EEIG1: variants seen among roughly 807,000 people sequenced by gnomAD.
EEIG1 encodes early estrogen-induced gene 1 protein.
chr9:127,976,993 A>G, the EEIG1 span, among the ~76,000 whole-genome samples: 1 of 140,432 alleles, frequency 7.1e-6, no homozygotes, highest in Admixed American at 7.0e-5. This position sits in a 1 kb window ranked among gnomAD's most constrained non-coding sequence, Gnocchi z 4.1. Flanking sequence ...GCTGCAGTCC[A>G]GGGTGGGTGG....
chr9:127,948,512 T>C, the EEIG1 span: 1,006,821 of 1,228,398 alleles, frequency 0.82, 421,165 homozygotes, highest in Non-Finnish European at 0.87. Flanking sequence ...CAGAAGGGCT[T>C]GGATTCCAAT....
the EEIG1 span, chr9:127,948,467 G>C: frequency 6.4e-7 from 1 of 1,573,004 alleles, no homozygotes; most frequent in Non-Finnish European, 8.7e-7. Flanking sequence ...GCCTGCCCAG[G>C]CGCAGGGCCC....
chr9:127,980,365 C>T, the EEIG1 span: 1 of 484,486 alleles, frequency 2.1e-6, no homozygotes, highest in Non-Finnish European at 3.7e-6. Flanking sequence ...CGGAGGGGTT[C>T]GGAGCGGCCG....
At chr9:127,965,807 G>T in the EEIG1 span, among the ~76,000 whole-genome samples, 67 of 152,356 alleles carry the variant, frequency 4.4e-4, 2 homozygotes, top group East Asian at 9.8e-3. Context: ...CTGGGGACCA[G>T]CCAAGGCGTC....
chr9:127,942,885 G>T, the EEIG1 span: 61 of 450,464 alleles, frequency 1.4e-4, 1 homozygote, highest in South Asian at 1.3e-3. Flanking sequence ...CTCCAGCAGC[G>T]CCGGTCCTTG....
At chr9:127,962,159 G>A in the EEIG1 span, among the ~76,000 whole-genome samples, 2 of 152,180 alleles carry the variant, frequency 1.3e-5, no homozygotes, top group Non-Finnish European at 2.9e-5. Flanking sequence ...ACATGCAGAA[G>A]GGGATCTACA....
At chr9:127,949,089 G>A in the EEIG1 span, among the ~76,000 whole-genome samples, 3 of 152,070 alleles carry the variant, frequency 2.0e-5, no homozygotes. Flanking sequence ...GCCAAGGCGG[G>A]CAGATCACGA....
At chr9:127,980,142 G>C in the EEIG1 span, 1 of 1,611,048 alleles carries the variant, frequency 6.2e-7, no homozygotes, top group Non-Finnish European at 8.5e-7. Flanking sequence ...AGCCATGAGC[G>C]AGTTCCCTGA....
At chr9:127,960,319 G>C in the EEIG1 span, among the ~76,000 whole-genome samples, 1 of 152,304 alleles carries the variant, frequency 6.6e-6, no homozygotes, top group African/African-American at 2.4e-5. Flanking sequence ...AGAGGAGCTG[G>C]GGGGAGATCA....
At chr9:127,948,267 GGACCA>G in the EEIG1 span, 6 of 1,612,960 alleles carry the variant, frequency 3.7e-6, no homozygotes, top group African/African-American at 8.0e-5. Context: ...CCCTGCTTCA[GGACCA>G]GATGAAAACA....
chr9:127,965,537 A>T, the EEIG1 span, among the ~76,000 whole-genome samples: 1 of 152,094 alleles, frequency 6.6e-6, no homozygotes, highest in Non-Finnish European at 1.5e-5. Context: ...CCATCACTTA[A>T]GTCCATCACT....
the EEIG1 span, chr9:127,953,853 C>T: frequency 1.6e-5 from 26 of 1,614,032 alleles, no homozygotes; most frequent in Admixed American, 1.3e-4. Context: ...GGCCGGTGGC[C>T]GGGTTAGCAC....
At chr9:127,978,279 G>A in the EEIG1 span, among the ~76,000 whole-genome samples, 1 of 152,198 alleles carries the variant, frequency 6.6e-6, no homozygotes, top group African/African-American at 2.4e-5. Context: ...TCAGCCAGCA[G>A]GCCCCCAAAC....
the EEIG1 span, among the ~76,000 whole-genome samples, chr9:127,949,894 C>T: frequency 2.0e-5 from 3 of 152,220 alleles, no homozygotes; most frequent in African/African-American, 4.8e-5. Context: ...AACCTGCCCC[C>T]GGGGCCCTCA....
the EEIG1 span, among the ~76,000 whole-genome samples, chr9:127,959,045 C>T: frequency 1.3e-5 from 2 of 152,242 alleles, no homozygotes; most frequent in African/African-American, 4.8e-5. Context: ...CCCTCATACA[C>T]TGCTGGTAGG....
chr9:127,960,197 A>T, the EEIG1 span, among the ~76,000 whole-genome samples: 124 of 152,232 alleles, frequency 8.1e-4, 1 homozygote, highest in African/African-American at 3.0e-3. Context: ...TGAAGTGGGG[A>T]CTGAGCAAAG....
chr9:127,972,506 A>G, the EEIG1 span: 1 of 152,286 alleles, frequency 6.6e-6, no homozygotes, highest in Non-Finnish European at 1.5e-5. This position sits in a 1 kb window ranked among gnomAD's most constrained non-coding sequence, Gnocchi z 4.3. Context: ...TTATCTCACC[A>G]TGTCCTCTGA....
the EEIG1 span, among the ~76,000 whole-genome samples, chr9:127,956,241 C>T: frequency 2.0e-5 from 3 of 151,916 alleles, no homozygotes; most frequent in Non-Finnish European, 2.9e-5. Flanking sequence ...TCTAGGCACT[C>T]GAACCACAGC....
the EEIG1 span, chr9:127,953,673 A>G: frequency 2.5e-6 from 4 of 1,602,936 alleles, no homozygotes; most frequent in Admixed American, 5.0e-5. Flanking sequence ...CATCTCCCAC[A>G]ATCCCCCCAG....
Sources: allele counts gnomAD v4.1 joint callset (sites outside exome capture counted in the v4.1 genomes callset), GRCh38; gene constraint gnomAD v4.1.1; non-coding constraint Gnocchi (gnomAD v3.1); transcripts MANE v1.5; gene names NCBI Gene and HGNC (gene_info 2026-07-23, HGNC 2026-07-21).